UBE2E3: variants seen among roughly 807,000 people sequenced by gnomAD.
UBE2E3 encodes the protein ubiquitin-conjugating enzyme E2 E3.
A neutral mutation model predicts 23.6 loss-of-function variants in UBE2E3; 5 were observed. That is an observed-to-expected ratio of 0.21 (90% CI 0.11 to 0.44). UBE2E3 has a LOEUF of 0.44. UBE2E3 is among the 20% of genes least tolerant of loss of function. The pLI, the probability that UBE2E3 is intolerant of heterozygous loss-of-function variation, is 0.99. For missense variants in UBE2E3, 81 were observed against 249.8 expected (o/e 0.32, Z 4.55); for synonymous variants, 78 against 87.5 (o/e 0.89, Z 0.60).
At chr2:181,019,841 T>C (rs1474171099) in intron 3 of UBE2E3, among the ~76,000 whole-genome samples, 1 of 152,202 alleles carries the variant, frequency 6.6e-6, no homozygotes, top group Non-Finnish European at 1.5e-5. Flanking sequence ...TTTTTTCTTT[T>C]TTTTGTGGTG....
chr2:180,989,807 C>T, intron 3 of UBE2E3: 5 of 1,432,340 alleles, frequency 3.5e-6, no homozygotes, highest in South Asian at 1.5e-5. Flanking sequence ...TCATATTCCT[C>T]TCATAACCAA....
chr2:181,021,570 T>A (rs13410460), intron 3 of UBE2E3, among the ~76,000 whole-genome samples: 2 of 76,224 alleles, frequency 2.6e-5, no homozygotes, highest in Admixed American at 1.4e-4. Context: ...CTTCCTTCCT[T>A]CCTCCCTCCC....
chr2:180,996,499 T>C (rs952561175), intron 3 of UBE2E3, among the ~76,000 whole-genome samples: 1 of 152,200 alleles, frequency 6.6e-6, no homozygotes, highest in Non-Finnish European at 1.5e-5. Flanking sequence ...AGAAGCATCC[T>C]CCTTTGTTTA....
At chr2:181,028,938 A>G (rs1004133266) in intron 3 of UBE2E3, among the ~76,000 whole-genome samples, 1 of 152,060 alleles carries the variant, frequency 6.6e-6, no homozygotes, top group African/African-American at 2.4e-5. Context: ...TTCTGTCCCA[A>G]GGTCTCGAGG....
chr2:180,984,219 T>A, intron 3 of UBE2E3, 126 bp downstream of exon 3: 2 of 676,220 alleles, frequency 3.0e-6, no homozygotes, highest in Non-Finnish European at 4.8e-6. Context: ...GCAAGTGCAT[T>A]AAACAAAAAT....
chr2:181,025,466 C>A (rs894355875), intron 3 of UBE2E3, among the ~76,000 whole-genome samples: 1 of 142,842 alleles, frequency 7.0e-6, no homozygotes, highest in Non-Finnish European at 1.5e-5. Context: ...AACTTTGATA[C>A]TTCCTTTTCC....
At chr2:181,051,623 A>T (rs1419073689) in intron 3 of UBE2E3, among the ~76,000 whole-genome samples, 1 of 151,866 alleles carries the variant, frequency 6.6e-6, no homozygotes, top group Non-Finnish European at 1.5e-5. Context: ...TCGTATCAAC[A>T]TTAGGAACAG....
intron 3 of UBE2E3, among the ~76,000 whole-genome samples, chr2:181,026,153 G>GA (rs1217734794): frequency 6.6e-6 from 1 of 151,704 alleles, no homozygotes; most frequent in Non-Finnish European, 1.5e-5. Context: ...AGGAAAAGAT[G>GA]AAAAAACACA....
At chr2:181,026,598 A>G (rs1042522693) in intron 3 of UBE2E3, among the ~76,000 whole-genome samples, 1 of 151,552 alleles carries the variant, frequency 6.6e-6, no homozygotes, top group Non-Finnish European at 1.5e-5. Flanking sequence ...AGCTGTATAT[A>G]ATGGGGATTA....
At chr2:181,021,452 CCTCT>C (rs997685449) in intron 3 of UBE2E3, among the ~76,000 whole-genome samples, 7 of 142,072 alleles carry the variant, frequency 4.9e-5, no homozygotes, top group East Asian at 2.1e-4. Flanking sequence ...TCCCTCCCTC[CCTCT>C]CTCTTTCTTT....
intron 3 of UBE2E3, among the ~76,000 whole-genome samples, chr2:180,997,684 A>AT (rs1684867743): frequency 6.6e-6 from 1 of 151,814 alleles, no homozygotes; most frequent in Non-Finnish European, 1.5e-5. Flanking sequence ...TCTTATCTTT[A>AT]TTTTTTCTTC....
intron 3 of UBE2E3, among the ~76,000 whole-genome samples, chr2:181,039,427 G>T (rs1686407608): frequency 6.6e-6 from 1 of 151,958 alleles, no homozygotes; most frequent in Non-Finnish European, 1.5e-5. Flanking sequence ...GCGGCTGGGA[G>T]GGCGACTTAT....
chr2:181,014,304 G>A (rs1685423391), intron 3 of UBE2E3, among the ~76,000 whole-genome samples: 2 of 152,188 alleles, frequency 1.3e-5, no homozygotes, highest in Admixed American at 1.3e-4. Context: ...GAAATGGAGT[G>A]TTGCTAGTTG....
intron 3 of UBE2E3, among the ~76,000 whole-genome samples, chr2:181,047,237 C>G (rs929855174): frequency 6.6e-6 from 1 of 152,066 alleles, no homozygotes; most frequent in Non-Finnish European, 1.5e-5. Context: ...CTGTTAAACA[C>G]CTGTTAGAGG....
At chr2:181,060,238 A>G (rs996526399) in intron 4 of UBE2E3, among the ~76,000 whole-genome samples, 3 of 151,692 alleles carry the variant, frequency 2.0e-5, no homozygotes, top group Non-Finnish European at 1.5e-5. Flanking sequence ...TTTTCTAGTA[A>G]GAAACTGATG....
At chr2:181,037,416 C>T (rs1490635479) in intron 3 of UBE2E3, among the ~76,000 whole-genome samples, 9 of 152,042 alleles carry the variant, frequency 5.9e-5, no homozygotes, top group Admixed American at 2.6e-4. Flanking sequence ...GAGGACCCTA[C>T]AGTGGAACAG....
intron 3 of UBE2E3, among the ~76,000 whole-genome samples, chr2:181,023,514 G>C (rs116780729): frequency 0.015 from 2,219 of 152,196 alleles, 57 homozygotes; most frequent in African/African-American, 0.05. Flanking sequence ...ATCATGAATT[G>C]CTTTGTGGCA....
chr2:181,024,334 C>A (rs1219986751), intron 3 of UBE2E3, among the ~76,000 whole-genome samples: 1 of 152,044 alleles, frequency 6.6e-6, no homozygotes, highest in South Asian at 2.1e-4. Context: ...CTTCATCCTA[C>A]GATTCTACCA....
chr2:181,032,063 A>C (rs1192018846), intron 3 of UBE2E3, among the ~76,000 whole-genome samples: 1 of 152,188 alleles, frequency 6.6e-6, no homozygotes, highest in South Asian at 2.1e-4. Context: ...TCTAGAAACC[A>C]AAAACTGTGG....
Sources: gnomAD v4.1 joint callset for allele counts (sites outside exome capture counted in the v4.1 genomes callset) on GRCh38, gnomAD v4.1.1 for gene constraint, MANE v1.5 for transcripts, NCBI Gene and HGNC (gene_info 2026-07-23, HGNC 2026-07-21) for gene names.